RNASEH2B: variants seen among roughly 807,000 people sequenced by gnomAD.
The protein encoded by RNASEH2B is ribonuclease H2 subunit B, also known as Aicardi-Goutieres syndrome 2 protein.
Under a neutral mutation model 45.0 loss-of-function variants are expected in RNASEH2B, and 36 were observed. That is an observed-to-expected ratio of 0.80 (90% CI 0.61 to 1.06). The LOEUF (loss-of-function observed/expected upper bound fraction) is 1.06. Among genes scored for constraint, RNASEH2B ranks in the 50% least tolerant of loss-of-function variants. The pLI is 0.00. For synonymous variants in RNASEH2B, 119 were observed against 125.7 expected (o/e 0.95, Z 0.35); for missense variants, 361 against 360.3 (o/e 1.00, Z -0.02).
intron 1 of RNASEH2B, among the ~76,000 whole-genome samples, chr13:50,918,867 C>T (rs1378808887): frequency 1.3e-5 from 2 of 152,130 alleles, no homozygotes; most frequent in Non-Finnish European, 2.9e-5. Context: ...TTTAGGACAT[C>T]GTATTGCATA....
intron 6 of RNASEH2B, among the ~76,000 whole-genome samples, chr13:50,944,469 G>A (rs1566086759): frequency 1.3e-5 from 2 of 152,192 alleles, no homozygotes; most frequent in East Asian, 3.9e-4. Context: ...AGGGGCAAGA[G>A]GAGGGAGAGC....
chr13:50,961,950 AT>A (rs1307361725), intron 9 of RNASEH2B, among the ~76,000 whole-genome samples: 1 of 152,142 alleles, frequency 6.6e-6, no homozygotes, highest in Non-Finnish European at 1.5e-5. Flanking sequence ...TACTGAGATG[AT>A]CAAGTAGTTT....
chr13:50,951,780 T>C (rs1208708073), intron 9 of RNASEH2B: 2 of 152,150 alleles, frequency 1.3e-5, no homozygotes, highest in African/African-American at 4.8e-5. Context: ...TTTTTTCCAA[T>C]ATATTCAACA....
chr13:50,910,085 T>G lies in RNASEH2B; in HGVS notation c.9T>G (p.Ala3=). 1 of 1,461,968 alleles carries G rather than the reference T, an allele frequency of 6.8e-7. No individual in the cohort carries two copies. Among genetic ancestry groups the G allele is most frequent in the Non-Finnish European group, 9.0e-7 (1 of 1,110,756 alleles). 90.6% of individuals were successfully genotyped at this position (1,461,968 alleles called of 1,614,324 possible). Residue 3 remains alanine, a synonymous_variant, in exon 1 of 11, where the codon GCT becomes GCG. Coordinates refer to ENST00000336617, the MANE Select transcript of RNASEH2B (RefSeq NM_024570.4). The part of the protein sequence containing the change: MA[A]GVDCGDGVGA... Reference sequence around the variant, plus strand: ...CGGAAGAGGCGGGCGGCATGGCCGCTGGCGTGGACTGCGGGGACGGGGTTG... The same window carrying G: ...CGGAAGAGGCGGGCGGCATGGCCGCGGGCGTGGACTGCGGGGACGGGGTTG...
intron 1 of RNASEH2B, among the ~76,000 whole-genome samples, chr13:50,914,043 ATT>A (rs10596567): frequency 0.58 from 79,947 of 138,914 alleles, 22,316 homozygotes; most frequent in African/African-American, 0.63. Flanking sequence ...AGTCTTGAAG[ATT>A]TTTTTTTTTT....
intron 8 of RNASEH2B, 176 bp downstream of exon 8, chr13:50,948,244 A>C (rs1045636423): frequency 1.0e-5 from 10 of 990,786 alleles, no homozygotes; most frequent in Admixed American, 8.8e-5. Flanking sequence ...GAATGAACTG[A>C]TTTGATGGAT....
At chr13:50,967,707 C>T (rs539031609) in intron 9 of RNASEH2B, among the ~76,000 whole-genome samples, 1 of 152,284 alleles carries the variant, frequency 6.6e-6, no homozygotes, top group East Asian at 1.9e-4. Context: ...GAAAGACAAC[C>T]TTTTCACATA....
At chr13:50,930,984 G>T in intron 4 of RNASEH2B, 1 of 557,022 alleles carries the variant, frequency 1.8e-6, no homozygotes. Context: ...TGGCTTGCTT[G>T]TGACCTCTGA....
chr13:50,956,740 C>G lies in RNASEH2B; in HGVS notation c.*266C>G, dbSNP rs1952056589. ...TTAACATATAGCATCATGATTTTCT[C>G]AATAAACTGATGTGTGACAATGTTA... On this transcript the variant is annotated 3_prime_UTR_variant, in exon 11 of 11. Coordinates refer to ENST00000336617, the MANE Select transcript of RNASEH2B (RefSeq NM_024570.4). 1 of 1,193,544 alleles carries G rather than the reference C, an allele frequency of 8.4e-7. No individual in the cohort carries two copies. The highest frequency in any genetic ancestry group is 1.7e-5 in the South Asian group (1 of 57,264). The allele number at this position is 1,193,544 out of a possible 1,614,324, so 73.9% of individuals were successfully genotyped here. A position where few individuals can be genotyped will look rare whatever the true frequency, so the allele number is the denominator to read the frequency against.
intron 10 of RNASEH2B, chr13:50,954,263 G>T: frequency 1.9e-6 from 1 of 535,046 alleles, no homozygotes; most frequent in Non-Finnish European, 3.3e-6. Flanking sequence ...GGGAAAGGAG[G>T]GAGGAAGCTC....
chr13:50,970,206 C>A lies in RNASEH2B; in HGVS notation c.*242C>A, dbSNP rs184044774. 7.6e-5 allele frequency: 45 copies of A among 591,472 alleles called. No homozygotes were observed. In the Admixed American group the frequency reaches 1.1e-3, roughly 15 times the overall value. The allele number at this position is 591,472 out of a possible 1,614,324, so 36.6% of individuals were successfully genotyped here. A position where few individuals can be genotyped will look rare whatever the true frequency, so the allele number is the denominator to read the frequency against. ...GTCCAGGAGCTTGAAAGCATCCCAG[C>A]GGTGCACCTGTTCAGTCTGAGGACC... On this transcript the variant is annotated 3_prime_UTR_variant, in exon 10 of 10. Coordinates refer to the RNASEH2B transcript ENST00000422660.
intron 10 of RNASEH2B, 150 bp downstream of exon 10, chr13:50,954,135 T>C: frequency 1.4e-6 from 1 of 694,906 alleles, no homozygotes; most frequent in Non-Finnish European, 2.6e-6. Context: ...TAATTAAGAA[T>C]TGCATATGAC....
chr13:50,928,901 T>C (rs1951638169), intron 2 of RNASEH2B, among the ~76,000 whole-genome samples: 1 of 149,716 alleles, frequency 6.7e-6, no homozygotes, highest in Admixed American at 6.6e-5. Context: ...CATGCAGATG[T>C]GCACAGTCTT....
chr13:50,956,682 C>T lies in RNASEH2B; in HGVS notation c.*208C>T. ...TGGCTATGGCCTTTTGGAGTCTCAT[C>T]TGACATAATGAAAAGTAATCACTTG... On this transcript the variant is annotated 3_prime_UTR_variant, in exon 11 of 11. Coordinates refer to ENST00000336617, the MANE Select transcript of RNASEH2B (RefSeq NM_024570.4). The T allele has an allele frequency of 1.8e-5, 23 of 1,314,186 alleles. No individual in the cohort carries two copies. Among genetic ancestry groups the T allele is most frequent in the Non-Finnish European group, 2.1e-5 (22 of 1,024,136 alleles). 81.4% of individuals were successfully genotyped at this position (1,314,186 alleles called of 1,614,324 possible). A position where few individuals can be genotyped will look rare whatever the true frequency, so the allele number is the denominator to read the frequency against.
chr13:50,964,835 T>C (rs1952149194), intron 9 of RNASEH2B, among the ~76,000 whole-genome samples: 1 of 152,180 alleles, frequency 6.6e-6, no homozygotes, highest in Non-Finnish European at 1.5e-5. Flanking sequence ...GACTGGTTTG[T>C]CTCTATGTGC....
chr13:50,959,310 G>A (rs926767582), downstream of RNASEH2B, among the ~76,000 whole-genome samples: 1 of 152,008 alleles, frequency 6.6e-6, no homozygotes, highest in South Asian at 2.1e-4. Context: ...TGACATGCAG[G>A]TGTTTTTAGT....
chr13:50,931,955 T>TACACAC (rs60335654), intron 4 of RNASEH2B, among the ~76,000 whole-genome samples: 4,997 of 148,976 alleles, frequency 0.034, 169 homozygotes, highest in African/African-American at 0.082. Context: ...CATCTCATTT[T>TACACAC]ACACACACAC....
intron 5 of RNASEH2B, chr13:50,938,790 G>A (rs976750607): frequency 1.4e-4 from 22 of 152,142 alleles, no homozygotes; most frequent in African/African-American, 5.1e-4. Context: ...GCCATGGATT[G>A]GTACCAGTAC....
chr13:50,935,665 G>A lies in RNASEH2B; in HGVS notation c.436+666G>A, dbSNP rs183159852. 6.8e-3 allele frequency: 1,042 copies of A among 153,180 alleles called. 7 individuals carry two copies. The highest frequency in any genetic ancestry group is 0.014 in the Middle Eastern group (4 of 296). 9.5% of individuals were successfully genotyped at this position (153,180 alleles called of 1,614,324 possible). ...TAGTCAGAGAAGCAGTGTAACAGAG[G>A]CTCAGATGTATGGAAAAGTTTGTCA... On this transcript the variant is annotated intron_variant, in intron 5 of 10. Coordinates refer to ENST00000336617, the MANE Select transcript of RNASEH2B (RefSeq NM_024570.4).
Sources: gnomAD v4.1 joint callset for allele counts (sites outside exome capture counted in the v4.1 genomes callset) on GRCh38, gnomAD v4.1.1 for gene constraint, MANE v1.5 for transcripts, NCBI Gene and HGNC (gene_info 2026-07-23, HGNC 2026-07-21) for gene names.